ITGA11: variants seen among roughly 807,000 people sequenced by gnomAD.
The protein encoded by ITGA11 is integrin alpha-11.
Under a neutral mutation model 141.9 loss-of-function variants are expected in ITGA11, and 97 were observed. That is an observed-to-expected ratio of 0.68 (90% confidence interval 0.58 to 0.81). ITGA11 has a LOEUF of 0.81. ITGA11 is among the 30% of genes least tolerant of loss of function. ITGA11 has a pLI of 0.00. For missense variants in ITGA11, 1,387 were observed against 1,559.2 expected, an observed-to-expected ratio of 0.89 and a Z score of 1.86; for synonymous variants, 658 against 624.6, an observed-to-expected ratio of 1.05 and a Z score of -0.80.
Position 68,343,837 on chromosome 15 carries a change from G to A in ITGA11, c.1132-4193C>T, listed in dbSNP as rs568679121. Among the ~76,000 whole-genome samples the A allele has an allele frequency of 4.6e-5, 7 of 152,332 alleles. No individual in the cohort carries two copies. The South Asian group carries it at 1.4e-3, about 32-fold the overall frequency. Reference sequence around the variant, plus strand: ...GTTTCAACAAGCTTGAAGTGGACCTGAGGAAGGGATGAATGGCCAGGAGGC... The same window carrying A: ...GTTTCAACAAGCTTGAAGTGGACCTAAGGAAGGGATGAATGGCCAGGAGGC... On this transcript the variant is annotated intron_variant, in intron 10 of 29. Coordinates refer to ENST00000315757, the MANE Select transcript of ITGA11 (RefSeq NM_001004439.2).
Position 68,322,121 on chromosome 15 carries a change from G to A in ITGA11, c.2323-618C>T, listed in dbSNP as rs553303182. On this transcript the variant is annotated intron_variant, in intron 18 of 29. Transcript: ENST00000315757. The surrounding 1 kb of genome is among the most constrained non-coding windows in gnomAD (Gnocchi z 5.6). ...GATGCAGGGGCCCTGGGGCAGGAGC[G>A]GGACGGTGAGTCTGGGAAATGATAG... is the stretch of plus-strand genomic sequence containing the variant. 2.6e-5 allele frequency among the ~76,000 whole-genome samples: 4 copies of A among 152,170 alleles called. No individual in the cohort carries two copies. Among genetic ancestry groups the A allele is most frequent in the African/African-American group, 7.2e-5 (3 of 41,426 alleles).
chr15:68,408,102 C>G (rs142302270), intron 1 of ITGA11, among the ~76,000 whole-genome samples: 2 of 152,328 alleles, frequency 1.3e-5, no homozygotes, highest in East Asian at 3.9e-4. Context: ...GAGTTTTCCT[C>G]TAGGTCCCTT....
intron 5 of ITGA11, 87 bp downstream of exon 5, chr15:68,361,496 ACTGCTTT>A: frequency 6.3e-6 from 5 of 796,404 alleles, no homozygotes; most frequent in Non-Finnish European, 8.5e-6. Context: ...GAGTCCAAAT[ACTGCTTT>A]CTAGCCACAG....
At chr15:68,345,466 C>A (rs1894715528) in intron 10 of ITGA11, among the ~76,000 whole-genome samples, 1 of 152,174 alleles carries the variant, frequency 6.6e-6, no homozygotes, top group Non-Finnish European at 1.5e-5. Flanking sequence ...GGGCTCTGGT[C>A]CCTTCTCTCT....
In ITGA11 at chr15:68,317,147, C is replaced by T. The variant is rs558830540; in HGVS notation, c.2715+118G>A. ...AAAGACAAATAAAAGCCACCTCAGG[C>T]CTCCCATCCCTCCCTGGTCTTCTGT... On this transcript the variant is annotated intron_variant, in intron 21 of 29. Coordinates refer to ENST00000315757, the MANE Select transcript of ITGA11 (RefSeq NM_001004439.2). 157 of 738,832 alleles carry T rather than the reference C, an allele frequency of 2.1e-4. 1 individual carries two copies. The highest frequency in any genetic ancestry group is 2.1e-3 in the South Asian group (137 of 65,826). 45.8% of individuals were successfully genotyped at this position (738,832 alleles called of 1,614,324 possible).
At chr15:68,306,922 A>C (rs1307040564) in intron 28 of ITGA11, among the ~76,000 whole-genome samples, 1 of 151,568 alleles carries the variant, frequency 6.6e-6, no homozygotes, top group African/African-American at 2.4e-5. Context: ...TTACAAATTT[A>C]TTTCTTTTCT....
At position 68,328,394 on chromosome 15, in the gene ITGA11, A is replaced by G. The variant is rs1371134343; in HGVS notation, c.1902-132T>C. ...CTGGAGGGGGTGAGGTGGAGGATGG[A>G]GGGGGCGAGGTGGAGGATGGAGGGG... is the stretch of plus-strand genomic sequence containing the variant. On this transcript the variant is annotated intron_variant, in intron 15 of 29. Coordinates refer to ENST00000315757, the MANE Select transcript of ITGA11 (RefSeq NM_001004439.2). The surrounding 1 kb of genome is among the most constrained non-coding windows in gnomAD (Gnocchi z 4.8). 5.4e-4 allele frequency: 123 copies of G among 227,980 alleles called. No individual in the cohort carries two copies. Among genetic ancestry groups the G allele is most frequent in the South Asian group, 2.4e-3 (34 of 14,434 alleles). The allele number at this position is 227,980 out of a possible 1,614,324, so 14.1% of individuals were successfully genotyped here.
At chr15:68,403,557 T>G (rs1394328697) in intron 1 of ITGA11, among the ~76,000 whole-genome samples, 1 of 152,164 alleles carries the variant, frequency 6.6e-6, no homozygotes, top group East Asian at 1.9e-4. Flanking sequence ...TAGAAGCAGA[T>G]GCTGGCACCA....
At chr15:68,312,303 A>G (rs1473154320) in intron 24 of ITGA11, among the ~76,000 whole-genome samples, 1 of 152,178 alleles carries the variant, frequency 6.6e-6, no homozygotes, top group Non-Finnish European at 1.5e-5. Context: ...AGGAGGGAGC[A>G]TGCTCTTCTC....
chr15:68,313,560 GC>G (rs1893465763), intron 23 of ITGA11, among the ~76,000 whole-genome samples: 1 of 152,184 alleles, frequency 6.6e-6, no homozygotes. Context: ...CCAGGGCCGG[GC>G]CTGTGTCTCC....
chr15:68,382,241 G>T (rs1212797069), intron 2 of ITGA11, among the ~76,000 whole-genome samples: 4 of 152,170 alleles, frequency 2.6e-5, no homozygotes, highest in Non-Finnish European at 4.4e-5. Flanking sequence ...CTCCTCCTGG[G>T]TTATAAAATC....
chr15:68,403,080 G>C, intron 1 of ITGA11, 51 bp from the exon 2 acceptor site: 2 of 1,258,930 alleles, frequency 1.6e-6, no homozygotes, highest in Non-Finnish European at 2.3e-6. Context: ...ACAGGCAGAG[G>C]TGTAGGCCCT....
Position 68,303,167 on chromosome 15 carries a change from CAG to C in ITGA11, c.3496-39_3496-38del. The C allele has an allele frequency of 6.5e-7, 1 of 1,534,792 alleles. No individual in the cohort carries two copies. Among genetic ancestry groups the C allele is most frequent in the Non-Finnish European group, 8.8e-7 (1 of 1,135,074 alleles). ...CAAAGGGAGACGTCTCAGAGGAGGA[CAG>C]GGTGGGCAAGGCCTGCCCCAGCTTT... On this transcript the variant is annotated intron_variant, in intron 29 of 29. Coordinates refer to ENST00000315757, the MANE Select transcript of ITGA11 (RefSeq NM_001004439.2). This position sits in a 1 kb window ranked among gnomAD's most constrained non-coding sequence, Gnocchi z 5.3.
At chr15:68,383,132 G>A (rs563580366) in intron 2 of ITGA11, among the ~76,000 whole-genome samples, 32 of 152,264 alleles carry the variant, frequency 2.1e-4, no homozygotes, top group East Asian at 1.9e-4. Context: ...TTAGCCGGGC[G>A]TGGTGGCGGG....
At chr15:68,420,121 G>A (rs7168997) in intron 1 of ITGA11, among the ~76,000 whole-genome samples, 52,272 of 151,930 alleles carry the variant, frequency 0.34, 11,216 homozygotes, top group African/African-American at 0.61. Flanking sequence ...TCTTTTCTGG[G>A]CACTCCCAGC....
intron 1 of ITGA11, among the ~76,000 whole-genome samples, chr15:68,421,833 T>TAGAA (rs1897025228): frequency 6.6e-6 from 1 of 152,144 alleles, no homozygotes; most frequent in African/African-American, 2.4e-5. Context: ...AAAATTTTTT[T>TAGAA]AGAAGAGAGT....
At chr15:68,410,668 C>T (rs1238765684) in intron 1 of ITGA11, among the ~76,000 whole-genome samples, 1 of 152,198 alleles carries the variant, frequency 6.6e-6, no homozygotes, top group Non-Finnish European at 1.5e-5. Flanking sequence ...TGCCAGCCAG[C>T]CTTCCCTTCT....
At position 68,334,786 on chromosome 15, in the gene ITGA11, G is replaced by A. The variant is rs191227302; in HGVS notation, c.1425+911C>T. Reference sequence around the variant, plus strand: ...GGAGGCGGAACTGGGCAGGAAAAATGTCATAAATTCATCAGCAAATTCCCT... The same window carrying A: ...GGAGGCGGAACTGGGCAGGAAAAATATCATAAATTCATCAGCAAATTCCCT... On this transcript the variant is annotated intron_variant, in intron 12 of 29. Transcript: ENST00000315757. Among the ~76,000 whole-genome samples, 7 of 152,270 alleles carry A rather than the reference G, an allele frequency of 4.6e-5. No individual in the cohort carries two copies. In the East Asian group the frequency reaches 1.2e-3, roughly 25 times the overall value.
chr15:68,419,847 G>A (rs1476309446), intron 1 of ITGA11, among the ~76,000 whole-genome samples: 1 of 152,210 alleles, frequency 6.6e-6, no homozygotes, highest in Non-Finnish European at 1.5e-5. Flanking sequence ...ATGCCAGGCT[G>A]TGACTTTATC....
Sources: allele counts gnomAD v4.1 joint callset (sites outside exome capture counted in the v4.1 genomes callset), GRCh38; gene constraint gnomAD v4.1.1; non-coding constraint Gnocchi (gnomAD v3.1); transcripts MANE v1.5; gene names NCBI Gene and HGNC (gene_info 2026-07-23, HGNC 2026-07-21).